Variants in DEPDC5 observed in about 807,000 individuals in gnomAD.
DEPDC5 encodes the protein DEP domain containing 5, GATOR1 subcomplex subunit, also known as GATOR1 complex protein DEPDC5.
A neutral mutation model predicts 217.3 loss-of-function variants in DEPDC5; 73 were observed. The ratio of observed to expected loss-of-function variants is 0.34; its 90% CI spans 0.28 to 0.41. DEPDC5 has a LOEUF of 0.41. DEPDC5 is among the 10% of genes least tolerant of loss of function. DEPDC5 has a pLI of 1.00. For synonymous variants in DEPDC5, 733 were observed against 756.7 expected, an observed-to-expected ratio of 0.97 and a Z score of 0.51; for missense variants, 1,675 against 2,070.1, an observed-to-expected ratio of 0.81 and a Z score of 3.70.
chr22:31,772,717 A>G (rs2083465696), intron 7 of DEPDC5, among the ~76,000 whole-genome samples: 1 of 150,684 alleles, frequency 6.6e-6, no homozygotes, highest in Admixed American at 6.6e-5. Context: ...CGGTTTGGAA[A>G]CCTATTCAGA....
At chr22:31,892,277 G>C (rs1367423892) in intron 38 of DEPDC5, among the ~76,000 whole-genome samples, 3 of 152,204 alleles carry the variant, frequency 2.0e-5, no homozygotes, top group Non-Finnish European at 4.4e-5. Context: ...GGATTACTTA[G>C]GGAGAAGTAA....
intron 14 of DEPDC5, 30 bp from the exon 15 acceptor site, chr22:31,802,674 A>G: frequency 1.3e-6 from 2 of 1,516,726 alleles, no homozygotes; most frequent in Non-Finnish European, 1.8e-6. Flanking sequence ...CTGTAACATC[A>G]TTATTGTGGA....
At chr22:31,764,172 TCTG>T in intron 4 of DEPDC5, among the ~76,000 whole-genome samples, 1 of 152,016 alleles carries the variant, frequency 6.6e-6, no homozygotes, top group Non-Finnish European at 1.5e-5. Flanking sequence ...GACCTCATGA[TCTG>T]CTGAGCCACC....
chr22:31,834,104 A>G, intron 25 of DEPDC5, 124 bp downstream of exon 25: 1 of 952,572 alleles, frequency 1.0e-6, no homozygotes, highest in Non-Finnish European at 1.7e-6. Flanking sequence ...CCTCTGGGGT[A>G]TGGGAAGGCG....
chr22:31,822,827 A>T lies in DEPDC5; in HGVS notation c.2104+37A>T, dbSNP rs771075778. The T allele has an allele frequency of 4.4e-6, 7 of 1,597,924 alleles. No homozygotes were observed. The East Asian group carries it at 1.1e-4, about 26-fold the overall frequency. ...AAGAGGTAATAGAGTTGGGATGTTT[A>T]GATCAGGCTCACATCTGGAAATGAC... is the stretch of plus-strand genomic sequence containing the variant. On this transcript the variant is annotated intron_variant, in intron 24 of 42. Transcript: ENST00000651528.
intron 27 of DEPDC5, among the ~76,000 whole-genome samples, chr22:31,841,324 G>A (rs573011957): frequency 2.0e-5 from 3 of 152,202 alleles, no homozygotes; most frequent in Non-Finnish European, 4.4e-5. Context: ...CCTCTTGACC[G>A]CTCACATGCT....
At chr22:31,865,500 A>G (rs1381305765) in intron 33 of DEPDC5, among the ~76,000 whole-genome samples, 1 of 151,878 alleles carries the variant, frequency 6.6e-6, no homozygotes, top group Non-Finnish European at 1.5e-5. Context: ...GTCTCAAAAC[A>G]AAACAAAACA....
intron 8 of DEPDC5, among the ~76,000 whole-genome samples, chr22:31,780,696 G>GAATCA (rs2084340494): frequency 6.6e-6 from 1 of 152,138 alleles, no homozygotes; most frequent in African/African-American, 2.4e-5. Flanking sequence ...GGTCCACCAG[G>GAATCA]CTGGAAGTAC....
intron 13 of DEPDC5, 80 bp downstream of exon 13, chr22:31,797,783 C>A: frequency 9.3e-7 from 1 of 1,071,602 alleles, no homozygotes; most frequent in Non-Finnish European, 1.4e-6. Context: ...GAGATGTGTG[C>A]TTGTTTCTCT....
At chr22:31,796,252 C>T (rs2086234120) in intron 12 of DEPDC5, among the ~76,000 whole-genome samples, 1 of 152,072 alleles carries the variant, frequency 6.6e-6, no homozygotes, top group African/African-American at 2.4e-5. Context: ...AGGTGCCTGC[C>T]ACCACACCCG....
At chr22:31,855,401 G>T (rs1489960577) in intron 31 of DEPDC5, among the ~76,000 whole-genome samples, 11 of 150,380 alleles carry the variant, frequency 7.3e-5, no homozygotes, top group African/African-American at 2.2e-4. Context: ...TTTTGCGACG[G>T]AGTCTCGCTC....
chr22:31,824,359 AAAAG>A (rs1394011923), intron 24 of DEPDC5, among the ~76,000 whole-genome samples: 1 of 152,156 alleles, frequency 6.6e-6, no homozygotes, highest in Non-Finnish European at 1.5e-5. Context: ...AAGAAAAAAA[AAAAG>A]AAAGGTGTCA....
At chr22:31,787,944 G>A (rs1452198796) in intron 10 of DEPDC5, among the ~76,000 whole-genome samples, 2 of 151,764 alleles carry the variant, frequency 1.3e-5, no homozygotes, top group East Asian at 1.9e-4. Flanking sequence ...ACTCAAGAAC[G>A]AAAAGAAAAA....
At chr22:31,804,292 C>G in intron 16 of DEPDC5, 69 bp downstream of exon 16, 1 of 1,490,080 alleles carries the variant, frequency 6.7e-7, no homozygotes, top group Non-Finnish European at 9.4e-7. Context: ...AAATTCCAGG[C>G]GCTGTGGCAT....
rs2082841307 is a variant in DEPDC5, at chr22:31,766,620, G to A, written c.315G>A (p.Lys105=). ...TTGACCTAGTGGAATTAACTTTTAA[G>A]GATCAGTATATTGGCCGTGGGGATA... ...VTLDLVELTF[K]DQYIGRGDMW... The change falls in exon 6 of 43, where the codon AAG becomes AAA. Residue 105 remains lysine (K), a synonymous_variant. Transcript: ENST00000651528. 6.2e-7 allele frequency: 1 copy of A among 1,613,804 alleles called. No individual in the cohort carries two copies. The highest frequency in any genetic ancestry group is 8.5e-7 in the Non-Finnish European group (1 of 1,179,974).
At chr22:31,811,513 T>C (rs2088331187) in intron 20 of DEPDC5, among the ~76,000 whole-genome samples, 1 of 152,076 alleles carries the variant, frequency 6.6e-6, no homozygotes, top group Admixed American at 6.6e-5. Context: ...AGTCCTGCTT[T>C]TAAAAATTTG....
chr22:31,845,225 T>G lies in DEPDC5; in HGVS notation c.3009T>G (p.Asp1003Glu). 6.2e-7 allele frequency: 1 copy of G among 1,613,904 alleles called. No homozygotes were observed. ...LNRIRRRHRS[D>E]RMMRKGTAMK... ...GCATTCGCAGGCGGCATCGCTCGGATCGCATGATGCGGGTAAGGGCTCCTT... is the reference window on the plus strand; with the variant it reads ...GCATTCGCAGGCGGCATCGCTCGGAGCGCATGATGCGGGTAAGGGCTCCTT... The change falls in exon 30 of 43, where the codon GAT (aspartate) becomes GAG (glutamate). Residue 1003 changes from aspartate to glutamate, a missense_variant. Transcript: ENST00000651528.
chr22:31,851,451 A>C (rs1004895600), intron 31 of DEPDC5, among the ~76,000 whole-genome samples: 4 of 152,166 alleles, frequency 2.6e-5, no homozygotes, highest in Non-Finnish European at 5.9e-5. Context: ...TCTCCACCTC[A>C]CAGCTAGATC....
chr22:31,807,188 A>G (rs1248834392), intron 18 of DEPDC5, among the ~76,000 whole-genome samples: 2 of 152,220 alleles, frequency 1.3e-5, no homozygotes, highest in African/African-American at 2.4e-5. Context: ...AAAGCATTTC[A>G]GCCATGTGTA....
Sources: gnomAD v4.1 joint callset for allele counts (sites outside exome capture counted in the v4.1 genomes callset) on GRCh38, gnomAD v4.1.1 for gene constraint, MANE v1.5 for transcripts, NCBI Gene and HGNC (gene_info 2026-07-23, HGNC 2026-07-21) for gene names.